The following PTPRB variants were observed in gnomAD, a reference collection of about 807,000 sequenced individuals.
PTPRB encodes the protein receptor-type tyrosine-protein phosphatase beta.
PTPRB carries 97 observed loss-of-function variants against 238.1 expected under a neutral mutation model. The observed-to-expected ratio is 0.41, with a 90% CI of 0.35 to 0.48. PTPRB has a LOEUF of 0.48. Ranked by LOEUF, PTPRB falls within the 20% of genes least tolerant of loss-of-function variation. PTPRB has a pLI of 0.30. For missense variants in PTPRB, 2,292 were observed against 2,681.9 expected (o/e 0.85, Z 3.21); for synonymous variants, 970 against 995.4 (o/e 0.97, Z 0.48).
At chr12:70,578,231 T>C (rs993285190) in intron 10 of PTPRB, among the ~76,000 whole-genome samples, 9 of 152,212 alleles carry the variant, frequency 5.9e-5, no homozygotes, top group Non-Finnish European at 1.3e-4. Flanking sequence ...TTTATTTATA[T>C]GTTTCAACTC....
chr12:70,518,380 A>C lies in PTPRB; in HGVS notation c.*3109T>G, dbSNP rs559319579. 1.3e-5 allele frequency: 2 copies of C among 152,266 alleles called. No individual in the cohort carries two copies. Among genetic ancestry groups the C allele is most frequent in the East Asian group, 1.9e-4 (1 of 5,186 alleles). The allele number at this position is 152,266 out of a possible 1,614,324, so 9.4% of individuals were successfully genotyped here. On this transcript the variant is annotated 3_prime_UTR_variant, in exon 34 of 34. Transcript: ENST00000334414. ...GGGAGGCGGAGGTTGTAGTGAGCTG[A>C]GATTGTGCCACTGCACTCCAGCCTG...
At chr12:70,566,325 A>C in intron 15 of PTPRB, 110 bp downstream of exon 15, 2 of 1,337,410 alleles carry the variant, frequency 1.5e-6, no homozygotes, top group Non-Finnish European at 2.0e-6. Flanking sequence ...CAGCGTATCA[A>C]GAGATAGATA....
At chr12:70,541,726 T>C (rs1350260566) in intron 22 of PTPRB, 1 of 152,268 alleles carries the variant, frequency 6.6e-6, no homozygotes, top group Non-Finnish European at 1.5e-5. Flanking sequence ...TGTGATCTTT[T>C]GGGACTGGCT....
intron 2 of PTPRB, among the ~76,000 whole-genome samples, chr12:70,626,296 C>CTATCTATCT (rs1885177325): frequency 2.0e-4 from 18 of 91,912 alleles, no homozygotes; most frequent in African/African-American, 6.6e-4. Flanking sequence ...TCTATCCATC[C>CTATCTATCT]ATCTATCTAT....
At chr12:70,548,308 A>G (rs1294849370) in intron 21 of PTPRB, among the ~76,000 whole-genome samples, 1 of 149,846 alleles carries the variant, frequency 6.7e-6, no homozygotes. Context: ...AGCCTGGGCA[A>G]CACAGCAAGA....
intron 10 of PTPRB, among the ~76,000 whole-genome samples, chr12:70,579,395 A>C (rs1881123561): frequency 6.6e-6 from 1 of 152,132 alleles, no homozygotes; most frequent in Non-Finnish European, 1.5e-5. Flanking sequence ...AGAAAATATC[A>C]GGGAGAAAGA....
intron 3 of PTPRB, among the ~76,000 whole-genome samples, chr12:70,611,542 G>C (rs1025028334): frequency 6.6e-6 from 1 of 151,724 alleles, no homozygotes; most frequent in African/African-American, 2.4e-5. Flanking sequence ...TCAAGTGATC[G>C]ACCCGCCTTG....
At chr12:70,633,076 A>C (rs1367743328) in intron 2 of PTPRB, among the ~76,000 whole-genome samples, 1 of 152,230 alleles carries the variant, frequency 6.6e-6, no homozygotes, top group African/African-American at 2.4e-5. Context: ...CTTTCATGGA[A>C]GAACACACAA....
In PTPRB at chr12:70,583,574, A is replaced by G. The variant is rs573019629; in HGVS notation, c.2312-2272T>C. 2.2e-3 allele frequency among the ~76,000 whole-genome samples: 336 copies of G among 152,282 alleles called. 3 individuals carry two copies. Among genetic ancestry groups the G allele is most frequent in the Non-Finnish European group, 2.6e-3 (174 of 67,990 alleles). On this transcript the variant is annotated intron_variant, in intron 9 of 33. Transcript: ENST00000334414. Reference sequence around the variant, plus strand: ...ACATTGGAAAGGCTACATTCTAAGTATAAGTGAAATAAATAGTCTCTCTTT... The same window carrying G: ...ACATTGGAAAGGCTACATTCTAAGTGTAAGTGAAATAAATAGTCTCTCTTT...
intron 16 of PTPRB, among the ~76,000 whole-genome samples, chr12:70,561,908 A>G (rs769748715): frequency 6.6e-6 from 1 of 152,204 alleles, no homozygotes; most frequent in Admixed American, 6.5e-5. Context: ...TCACCGTCAC[A>G]TTACAGCAGT....
At position 70,516,333 on chromosome 12, in the gene PTPRB, A is replaced by T. The variant is rs2136180810; in HGVS notation, c.*5156T>A. On this transcript the variant is annotated 3_prime_UTR_variant, in exon 34 of 34. Coordinates refer to ENST00000334414, the MANE Select transcript of PTPRB (RefSeq NM_001109754.4). ...TATGAGCTGTGCACTAATTTCCACA[A>T]GGTAGGAGTCGAGACGAGATTAAAG... 6.6e-6 allele frequency: 1 copy of T among 152,314 alleles called. No individual in the cohort carries two copies. The highest frequency in any genetic ancestry group is 1.9e-4 in the East Asian group (1 of 5,180). The allele number at this position is 152,314 out of a possible 1,614,324, so 9.4% of individuals were successfully genotyped here.
Position 70,521,429 on chromosome 12 carries a change from G to C in PTPRB, c.*60C>G, listed in dbSNP as rs1871636556. The C allele has an allele frequency of 6.9e-7, 1 of 1,448,236 alleles. No individual in the cohort carries two copies. Among genetic ancestry groups the C allele is most frequent in the Non-Finnish European group, 9.3e-7 (1 of 1,078,936 alleles). The allele number at this position is 1,448,236 out of a possible 1,614,324, so 89.7% of individuals were successfully genotyped here. The stretch of plus-strand genomic sequence containing the variant: ...GGCACCTCTGTAGGGCATGAAGCAA[G>C]TTTTTAAAAACAAATCACACAGTGA... On this transcript the variant is annotated 3_prime_UTR_variant, in exon 34 of 34. Coordinates refer to ENST00000334414, the MANE Select transcript of PTPRB (RefSeq NM_001109754.4).
intron 14 of PTPRB, among the ~76,000 whole-genome samples, chr12:70,567,248 T>C (rs1409957551): frequency 1.3e-5 from 2 of 152,210 alleles, no homozygotes; most frequent in Non-Finnish European, 2.9e-5. Flanking sequence ...TTCTACATAA[T>C]CTTCCTAGAT....
rs528607859 is a variant in PTPRB at position 70,538,981 on chromosome 12, C to T, written c.5812G>A (p.Asp1938Asn). ...LKDVGRNQSC[D>N]IALLPENRGK... ...CTATTCTCCGGCAAGAGTGCAATGT[C>T]ACATGACTGGTTTCGGCCCACGTCT... The change falls in exon 27 of 34, where the codon GAC (aspartate) becomes AAC (asparagine). Residue 1938 changes from aspartate (D) to asparagine (N), a missense_variant. Physicochemically the swap from Asp to Asn is conservative, Grantham distance 23. This residue lies in a region of PTPRB where 397 missense variants were observed against 502.0 expected (regional missense o/e 0.79). Transcript: ENST00000334414. 14 of 1,613,710 alleles carry T rather than the reference C, an allele frequency of 8.7e-6. No homozygotes were observed. Among genetic ancestry groups the T allele is most frequent in the Middle Eastern group, 1.6e-4 (1 of 6,084 alleles).
In PTPRB at chr12:70,637,422, C is replaced by A; in HGVS notation, c.-27G>T. On this transcript the variant is annotated 5_prime_UTR_variant, in exon 1 of 34. Coordinates refer to ENST00000334414, the MANE Select transcript of PTPRB (RefSeq NM_001109754.4). The stretch of plus-strand genomic sequence containing the variant: ...TTCCACTTAGCAACTGTTCATGCTT[C>A]GCTTGGGGAAAAAAAAAATTCTCCC... 6.3e-7 allele frequency: 1 copy of A among 1,591,224 alleles called. No homozygotes were observed. The highest frequency in any genetic ancestry group is 8.6e-7 in the Non-Finnish European group (1 of 1,167,782).
chr12:70,635,526 A>G, intron 2 of PTPRB, 145 bp downstream of exon 2: 3 of 1,085,758 alleles, frequency 2.8e-6, no homozygotes, highest in South Asian at 3.7e-5. Flanking sequence ...ATCCACCTCC[A>G]TTAGCTTATG....
chr12:70,576,063 G>C (rs1880650358), intron 11 of PTPRB, among the ~76,000 whole-genome samples: 1 of 152,048 alleles, frequency 6.6e-6, no homozygotes, highest in Non-Finnish European at 1.5e-5. Context: ...TGTAAAATGG[G>C]AATAATAACA....
intron 16 of PTPRB, 74 bp downstream of exon 16, chr12:70,562,770 A>G: frequency 2.6e-6 from 4 of 1,537,112 alleles, no homozygotes; most frequent in Non-Finnish European, 3.5e-6. Context: ...GAAACTAAGG[A>G]CCAACCAAGG....
intron 4 of PTPRB, among the ~76,000 whole-genome samples, chr12:70,601,783 CT>C (rs1490741684): frequency 4.3e-5 from 6 of 140,216 alleles, no homozygotes; most frequent in Middle Eastern, 3.4e-3. Flanking sequence ...TTCTTTTTTT[CT>C]TTTTTCTTTT....
Sources: gnomAD v4.1 joint callset for allele counts (sites outside exome capture counted in the v4.1 genomes callset) on GRCh38, gnomAD v4.1.1 for gene constraint, gnomAD v4.1.1 regional missense constraint, MANE v1.5 for transcripts, NCBI Gene and HGNC (gene_info 2026-07-23, HGNC 2026-07-21) for gene names.